The following FHL2 variants were observed in gnomAD, a reference collection of about 807,000 sequenced individuals.
The protein encoded by FHL2 is four and a half LIM domains 2, also known as four and a half LIM domains protein 2.
Under a neutral mutation model 32.7 loss-of-function variants are expected in FHL2, and 20 were observed. The ratio of observed to expected loss-of-function variants is 0.61; its 90% CI spans 0.43 to 0.89. The LOEUF is 0.89. FHL2 is among the 40% of genes least tolerant of loss of function. The pLI is 0.00. For missense variants in FHL2, 311 were observed against 358.6 expected (o/e 0.87, Z 1.07); for synonymous variants, 123 against 128.1 (o/e 0.96, Z 0.27).
intron 1 of FHL2, among the ~76,000 whole-genome samples, chr2:105,430,881 T>C (rs894727346): frequency 1.3e-5 from 2 of 152,210 alleles, no homozygotes; most frequent in African/African-American, 4.8e-5. Context: ...CCACTAAGTC[T>C]GTTGCCATTA....
intron 2 of FHL2, among the ~76,000 whole-genome samples, chr2:105,396,425 G>C (rs1299555227): frequency 6.6e-6 from 1 of 152,130 alleles, no homozygotes; most frequent in African/African-American, 2.4e-5. Flanking sequence ...TCAACTGTTT[G>C]GACAAGGCCC....
chr2:105,426,710 G>A (rs1459024510), intron 1 of FHL2, among the ~76,000 whole-genome samples: 4 of 152,344 alleles, frequency 2.6e-5, no homozygotes, highest in East Asian at 3.9e-4. Flanking sequence ...TTCCACTTAT[G>A]TTGTGGCACA....
intron 2 of FHL2, among the ~76,000 whole-genome samples, chr2:105,395,271 G>A (rs1024749811): frequency 3.3e-5 from 5 of 152,200 alleles, no homozygotes; most frequent in African/African-American, 9.6e-5. Flanking sequence ...CCTCGGGTCC[G>A]TCAATCACAC....
At chr2:105,423,975 T>G (rs1684182530) in intron 1 of FHL2, among the ~76,000 whole-genome samples, 1 of 152,146 alleles carries the variant, frequency 6.6e-6, no homozygotes, top group Non-Finnish European at 1.5e-5. Flanking sequence ...GGCAAAGACT[T>G]CATGACTAAA....
chr2:105,373,451 G>T, intron 4 of FHL2, 108 bp downstream of exon 4: 1 of 1,217,620 alleles, frequency 8.2e-7, no homozygotes, highest in Non-Finnish European at 1.2e-6. Context: ...AAACTGGAAA[G>T]TCAACACGAG....
At chr2:105,433,888 A>G (rs1450726389) in intron 1 of FHL2, among the ~76,000 whole-genome samples, 2 of 151,954 alleles carry the variant, frequency 1.3e-5, no homozygotes, top group Non-Finnish European at 2.9e-5. Flanking sequence ...TTCTTATTTC[A>G]TCTTACAGAA....
chr2:105,397,521 C>T (rs962989776), intron 1 of FHL2, among the ~76,000 whole-genome samples: 1 of 152,160 alleles, frequency 6.6e-6, no homozygotes, highest in African/African-American at 2.4e-5. Context: ...TCCCCGGCAT[C>T]CCCTAGCCTA....
At chr2:105,423,126 C>T (rs1299369078) in intron 1 of FHL2, among the ~76,000 whole-genome samples, 3 of 152,066 alleles carry the variant, frequency 2.0e-5, no homozygotes, top group Non-Finnish European at 4.4e-5. Context: ...GATGTTTGCC[C>T]CCAGAGGAAT....
At chr2:105,430,725 G>A (rs1025413946) in intron 1 of FHL2, among the ~76,000 whole-genome samples, 2 of 152,116 alleles carry the variant, frequency 1.3e-5, no homozygotes, top group African/African-American at 4.8e-5. Context: ...GTAGGAGTTG[G>A]GTATAAAGAA....
At chr2:105,359,845 G>T (rs1459620803), downstream of FHL2, 1 of 152,180 alleles carries the variant, frequency 6.6e-6, no homozygotes, top group African/African-American at 2.4e-5. Flanking sequence ...ATGTCCTTGT[G>T]CAATCTTTCA....
rs754663221 is a variant in FHL2 at position 105,363,484 on chromosome 2, G to C, written c.502-13C>G. On this transcript the variant is annotated splice_polypyrimidine_tract_variant and intron_variant, in intron 5 of 6. Transcript: ENST00000530340. ...CCGTGGTGATGGGCTGCAGGGACGA[G>C]GGGGAGAGTTAGTGTGGCCTCTGTG... is the stretch of plus-strand genomic sequence containing the variant. 3.1e-6 allele frequency: 5 copies of C among 1,595,440 alleles called. No homozygotes were observed. Among genetic ancestry groups the C allele is most frequent in the Admixed American group, 3.5e-5 (2 of 57,032 alleles).
At chr2:105,422,482 C>T (rs1684133634) in intron 1 of FHL2, among the ~76,000 whole-genome samples, 1 of 151,716 alleles carries the variant, frequency 6.6e-6, no homozygotes, top group African/African-American at 2.4e-5. Flanking sequence ...TTTATAGTTT[C>T]CTCTTGGTTT....
At chr2:105,399,341 G>C (rs1683372383), upstream of FHL2, 4 of 1,535,886 alleles carry the variant, frequency 2.6e-6, no homozygotes, top group Non-Finnish European at 3.5e-6. Context: ...GCCTGGGCGC[G>C]GTGGCAGGGG....
chr2:105,401,158 C>T (rs980177484), upstream of FHL2, among the ~76,000 whole-genome samples: 1 of 147,080 alleles, frequency 6.8e-6, no homozygotes, highest in Non-Finnish European at 1.5e-5. Context: ...GAAAATATGA[C>T]ACTGACAGGA....
intron 1 of FHL2, among the ~76,000 whole-genome samples, chr2:105,423,824 T>A (rs1684178439): frequency 1.3e-5 from 2 of 152,316 alleles, no homozygotes; most frequent in Admixed American, 6.5e-5. Context: ...GCTAGCCATA[T>A]GCAGAAAGCT....
chr2:105,405,327 G>A (rs1683594220), intron 1 of FHL2, among the ~76,000 whole-genome samples: 2 of 152,194 alleles, frequency 1.3e-5, no homozygotes, highest in South Asian at 4.1e-4. Flanking sequence ...TGAACGGTTT[G>A]CTTCCCTAAA....
chr2:105,435,994 C>T lies in FHL2; in HGVS notation c.-25+2405G>A, dbSNP rs530630455. On this transcript the variant is annotated intron_variant, in intron 1 of 5. Transcript: ENST00000393352. ...AGTTCAGTTTAATTTTTCAGTATTA[C>T]TTTTTAACTATAACAAAAGTCCTGT... Among the ~76,000 whole-genome samples, 4 of 152,268 alleles carry T rather than the reference C, an allele frequency of 2.6e-5. No individual in the cohort carries two copies. In the South Asian group the frequency reaches 8.3e-4, roughly 32 times the overall value.
intron 1 of FHL2, among the ~76,000 whole-genome samples, chr2:105,429,871 T>A (rs1684375862): frequency 6.6e-6 from 1 of 152,138 alleles, no homozygotes; most frequent in African/African-American, 2.4e-5. Flanking sequence ...ATGGGGTACT[T>A]TCTGTGATAC....
intron 3 of FHL2, among the ~76,000 whole-genome samples, chr2:105,377,008 G>A (rs1326725846): frequency 6.6e-6 from 1 of 152,236 alleles, no homozygotes; most frequent in Non-Finnish European, 1.5e-5. Flanking sequence ...GTTGCCAGGG[G>A]CTGGGATGAG....
Sources: allele counts gnomAD v4.1 joint callset (sites outside exome capture counted in the v4.1 genomes callset), GRCh38; gene constraint gnomAD v4.1.1; transcripts MANE v1.5; gene names NCBI Gene and HGNC (gene_info 2026-07-23, HGNC 2026-07-21).